The following DERA variants were observed in gnomAD, a reference collection of about 807,000 sequenced individuals.
DERA encodes the protein 2-deoxy-D-ribose 5-phosphate aldolase.
DERA carries 15 observed loss-of-function variants against 41.1 expected under a neutral mutation model. That is an observed-to-expected ratio of 0.37 (90% CI 0.24 to 0.56). The LOEUF (loss-of-function observed/expected upper bound fraction) is 0.56, where lower values mean the gene tolerates loss of function less well. DERA is among the 20% of genes least tolerant of loss of function. The pLI, the probability that DERA is intolerant of heterozygous loss-of-function variation, is 0.81. For missense variants in DERA, 396 were observed against 403.4 expected (o/e 0.98, Z 0.16); for synonymous variants, 139 against 137.4 (o/e 1.01, Z -0.08).
Position 16,020,035 on chromosome 12 carries a change from A to G in DERA, c.638-12507A>G, listed in dbSNP as rs1458158754. Among the ~76,000 whole-genome samples the G allele has an allele frequency of 1.3e-5, 2 of 152,152 alleles. No individual in the cohort carries two copies. The highest frequency in any genetic ancestry group is 3.9e-4 in the East Asian group (2 of 5,194). ...CTCACTCCCACTCTCGCCATCTGAC[A>G]TGCCTGCTCTCTTTGCTTTCTGCTG... On this transcript the variant is annotated intron_variant, in intron 6 of 8. Transcript: ENST00000428559. This position sits in a 1 kb window ranked among gnomAD's most constrained non-coding sequence, Gnocchi z 5.5.
In DERA at chr12:16,026,313, A is replaced by G. The variant is rs1295133136; in HGVS notation, c.638-6229A>G. On this transcript the variant is annotated intron_variant, in intron 6 of 8. Coordinates refer to ENST00000428559, the MANE Select transcript of DERA (RefSeq NM_015954.4). The surrounding 1 kb of genome is among the most constrained non-coding windows in gnomAD (Gnocchi z 4.4). Reference sequence around the variant, plus strand: ...TAGCTAGGCTAATCAAGAATAAAAGAGAAAAGACATAAATTACCCATATCG... The same window carrying G: ...TAGCTAGGCTAATCAAGAATAAAAGGGAAAAGACATAAATTACCCATATCG... Among the ~76,000 whole-genome samples the G allele has an allele frequency of 2.6e-5, 4 of 151,854 alleles. No individual in the cohort carries two copies. Among genetic ancestry groups the G allele is most frequent in the African/African-American group, 9.7e-5 (4 of 41,408 alleles).
At chr12:15,912,137 T>C (rs1228899903) in intron 1 of DERA, among the ~76,000 whole-genome samples, 1 of 152,046 alleles carries the variant, frequency 6.6e-6, no homozygotes, top group African/African-American at 2.4e-5. Context: ...CAAAGGTCTC[T>C]GGTTTTCCTA....
chr12:16,010,147 T>G lies in DERA; in HGVS notation c.638-22395T>G, dbSNP rs1948937886. On this transcript the variant is annotated intron_variant, in intron 6 of 8. Coordinates refer to ENST00000428559, the MANE Select transcript of DERA (RefSeq NM_015954.4). This position sits in a 1 kb window ranked among gnomAD's most constrained non-coding sequence, Gnocchi z 5.5. ...TCTGCTGTGAGGGAAATATAGCATG[T>G]GAGCATATATATTCGTGGGCAAGGC... Among the ~76,000 whole-genome samples, 1 of 152,178 alleles carries G rather than the reference T, an allele frequency of 6.6e-6. No individual in the cohort carries two copies. The highest frequency in any genetic ancestry group is 6.5e-5 in the Admixed American group (1 of 15,270).
chr12:15,949,112 G>T (rs976859544), intron 1 of DERA, among the ~76,000 whole-genome samples: 1 of 152,246 alleles, frequency 6.6e-6, no homozygotes. Context: ...TGCTCCTACT[G>T]GGGGGTGCCT....
intron 1 of DERA, among the ~76,000 whole-genome samples, chr12:15,934,068 G>C (rs992215476): frequency 6.6e-6 from 1 of 152,164 alleles, no homozygotes; most frequent in East Asian, 1.9e-4. Context: ...TAAAGTGCCT[G>C]GTGGAGTTAG....
In DERA at chr12:16,026,988, G is replaced by T. The variant is rs773389722; in HGVS notation, c.638-5554G>T. 6.6e-6 allele frequency among the ~76,000 whole-genome samples: 1 copy of T among 152,126 alleles called. No homozygotes were observed. Among genetic ancestry groups the T allele is most frequent in the Non-Finnish European group, 1.5e-5 (1 of 68,004 alleles). The stretch of plus-strand genomic sequence containing the variant: ...ACCAAGTGTGATTTATTCCAGGTAT[G>T]CAAGTCTGGTTCAACATAATGTAAT... On this transcript the variant is annotated intron_variant, in intron 6 of 8. Transcript: ENST00000428559. The surrounding 1 kb of genome is among the most constrained non-coding windows in gnomAD (Gnocchi z 4.4).
Position 16,014,428 on chromosome 12 carries a change from T to C in DERA, c.638-18114T>C, listed in dbSNP as rs73059222. Among the ~76,000 whole-genome samples, 5,545 of 152,276 alleles carry C rather than the reference T, an allele frequency of 0.036. 149 individuals are homozygous for C. The highest frequency in any genetic ancestry group is 0.055 in the Non-Finnish European group (3,709 of 68,018). On this transcript the variant is annotated intron_variant, in intron 6 of 8. Coordinates refer to ENST00000428559, the MANE Select transcript of DERA (RefSeq NM_015954.4). This position sits in a 1 kb window ranked among gnomAD's most constrained non-coding sequence, Gnocchi z 5.4. ...TGGCTAAAAGAAGCCAATGTACAGC[T>C]CAGGCCATTGCTTCAGAGAGTGTAA...
At chr12:15,958,973 C>T (rs1038046231) in intron 3 of DERA, among the ~76,000 whole-genome samples, 10 of 152,280 alleles carry the variant, frequency 6.6e-5, no homozygotes, top group South Asian at 6.2e-4. Flanking sequence ...CAAGGCTACA[C>T]GTCTTGTTAC....
In DERA at chr12:15,992,068, G is replaced by T. The variant is rs972134184; in HGVS notation, c.637+9632G>T. Among the ~76,000 whole-genome samples, 4 of 147,124 alleles carry T rather than the reference G, an allele frequency of 2.7e-5. No homozygotes were observed. The highest frequency in any genetic ancestry group is 1.3e-4 in the Admixed American group (2 of 14,916). On this transcript the variant is annotated intron_variant, in intron 6 of 8. Transcript: ENST00000428559. The surrounding 1 kb of genome is among the most constrained non-coding windows in gnomAD (Gnocchi z 4.3). ...TCAGCATCAACTGTTTTACCTGTTAGATTTTTTTTTTTTTTCAAAACTGTG... is the reference window on the plus strand; with the variant it reads ...TCAGCATCAACTGTTTTACCTGTTATATTTTTTTTTTTTTTCAAAACTGTG...
At position 15,918,286 on chromosome 12, in the gene DERA, C is replaced by T. The variant is rs990342397; in HGVS notation, c.31+6872C>T. 2.0e-5 allele frequency among the ~76,000 whole-genome samples: 3 copies of T among 152,158 alleles called. No individual in the cohort carries two copies. Among genetic ancestry groups the T allele is most frequent in the Non-Finnish European group, 4.4e-5 (3 of 68,032 alleles). On this transcript the variant is annotated intron_variant, in intron 1 of 8. Coordinates refer to ENST00000428559, the MANE Select transcript of DERA (RefSeq NM_015954.4). The surrounding 1 kb of genome is among the most constrained non-coding windows in gnomAD (Gnocchi z 4.3). The stretch of plus-strand genomic sequence containing the variant: ...GTGTGGGGCTGTGGACCTCTGTGCC[C>T]GGCCGCCTCGCCTCCCTCTGCAGGT...
intron 6 of DERA, among the ~76,000 whole-genome samples, chr12:16,023,098 C>A (rs766329739): frequency 6.6e-6 from 1 of 152,046 alleles, no homozygotes; most frequent in Non-Finnish European, 1.5e-5. Flanking sequence ...CAGTTACAGC[C>A]CAGGGACACA....
At chr12:15,942,288 G>A (rs1270863271) in intron 1 of DERA, among the ~76,000 whole-genome samples, 4 of 152,062 alleles carry the variant, frequency 2.6e-5, no homozygotes, top group Non-Finnish European at 4.4e-5. Context: ...CATAGTTTGC[G>A]AATATTTACT....
Position 15,913,696 on chromosome 12 carries a change from A to G in DERA, c.31+2282A>G, listed in dbSNP as rs980546044. ...AAAAACATTGAGTTCCTTTGAGACT[A>G]AACCTGACCCTCATGATTAAAAAGT... On this transcript the variant is annotated intron_variant, in intron 1 of 8. Coordinates refer to ENST00000428559, the MANE Select transcript of DERA (RefSeq NM_015954.4). The surrounding 1 kb of genome is among the most constrained non-coding windows in gnomAD (Gnocchi z 4.5). 1.3e-5 allele frequency among the ~76,000 whole-genome samples: 2 copies of G among 152,210 alleles called. No individual in the cohort carries two copies. Among genetic ancestry groups the G allele is most frequent in the Non-Finnish European group, 2.9e-5 (2 of 68,046 alleles).
chr12:15,949,982 C>G (rs574503453), intron 1 of DERA, among the ~76,000 whole-genome samples: 6 of 152,152 alleles, frequency 3.9e-5, no homozygotes, highest in Non-Finnish European at 5.9e-5. Context: ...TTCCATTTCC[C>G]GTACCTGGCC....
chr12:15,914,575 C>T (rs952010502), intron 1 of DERA, among the ~76,000 whole-genome samples: 82 of 152,038 alleles, frequency 5.4e-4, no homozygotes, highest in African/African-American at 1.7e-3. Context: ...TTGTTACATC[C>T]GTCTTCAGAG....
chr12:16,024,362 T>C (rs1222521006), intron 6 of DERA, among the ~76,000 whole-genome samples: 1 of 152,056 alleles, frequency 6.6e-6, no homozygotes, highest in East Asian at 1.9e-4. Context: ...TATAGTCAAA[T>C]TGAAGAAAAC....
rs562866986 is a variant in DERA at position 15,918,374 on chromosome 12, T to C, written c.31+6960T>C. 6.6e-6 allele frequency among the ~76,000 whole-genome samples: 1 copy of C among 152,204 alleles called. No homozygotes were observed. The highest frequency in any genetic ancestry group is 2.4e-5 in the African/African-American group (1 of 41,520). On this transcript the variant is annotated intron_variant, in intron 1 of 8. Transcript: ENST00000428559. This position sits in a 1 kb window ranked among gnomAD's most constrained non-coding sequence, Gnocchi z 4.3. ...ATGTCTTGCTCCCGCTTTGTGCAGATCCCCTCCTTGTTCTGATTGGACTCT... is the reference window on the plus strand; with the variant it reads ...ATGTCTTGCTCCCGCTTTGTGCAGACCCCCTCCTTGTTCTGATTGGACTCT...
Position 15,936,947 on chromosome 12 carries a change from C to CT in DERA, c.32-19989_32-19988insT, listed in dbSNP as rs1948372079. ...TGTCCTGTCCTGTCTTGTCCTGTCC[C>CT]GTCCTGTCCTGCCCTGCCCTGCCCT... On this transcript the variant is annotated intron_variant, in intron 1 of 8. Transcript: ENST00000428559. The surrounding 1 kb of genome is among the most constrained non-coding windows in gnomAD (Gnocchi z 4.6). Among the ~76,000 whole-genome samples the CT allele has an allele frequency of 7.4e-6, 1 of 135,734 alleles. No homozygotes were observed. The highest frequency in any genetic ancestry group is 3.1e-5 in the African/African-American group (1 of 31,982). The allele number at this position is 135,734 out of a possible 152,430, so 89.0% of individuals were successfully genotyped here.
rs1261833519 is a variant in DERA at position 15,976,802 on chromosome 12, T to C, written c.509-5506T>C. ...AAAATAAAGCTCTCCTATCTAATCT[T>C]GAGGAGAAAAATGAAGCTTGGAGAG... On this transcript the variant is annotated intron_variant, in intron 5 of 8. Transcript: ENST00000428559. This position sits in a 1 kb window ranked among gnomAD's most constrained non-coding sequence, Gnocchi z 4.1. 6.6e-6 allele frequency among the ~76,000 whole-genome samples: 1 copy of C among 151,988 alleles called. No homozygotes were observed. Among genetic ancestry groups the C allele is most frequent in the African/African-American group, 2.4e-5 (1 of 41,284 alleles).
Sources: gnomAD v4.1 joint callset for allele counts (sites outside exome capture counted in the v4.1 genomes callset) on GRCh38, gnomAD v4.1.1 for gene constraint, Gnocchi (gnomAD v3.1) non-coding constraint, MANE v1.5 for transcripts, NCBI Gene and HGNC (gene_info 2026-07-23, HGNC 2026-07-21) for gene names.